ZNF710: variants seen among roughly 807,000 people sequenced by gnomAD.
ZNF710 encodes zinc finger protein 710.
A neutral mutation model predicts 50.6 loss-of-function variants in ZNF710; 13 were observed. The observed-to-expected ratio is 0.26, with a 90% CI of 0.17 to 0.41. ZNF710 has a LOEUF of 0.41. ZNF710 is among the 10% of genes least tolerant of loss of function. The pLI, the probability that ZNF710 is intolerant of heterozygous loss-of-function variation, is 1.00. For missense variants in ZNF710, 721 were observed against 936.6 expected, an observed-to-expected ratio of 0.77 and a Z score of 3.01; for synonymous variants, 383 against 397.0, an observed-to-expected ratio of 0.96 and a Z score of 0.42.
intron 1 of ZNF710, among the ~76,000 whole-genome samples, chr15:90,031,949 G>A (rs1898961121): frequency 6.6e-6 from 1 of 152,236 alleles, no homozygotes; most frequent in South Asian, 2.1e-4. Flanking sequence ...ATTTTCATCT[G>A]AAGGAAGCCA....
At chr15:90,076,070 C>T (rs564435674) in intron 4 of ZNF710, 13 of 152,338 alleles carry the variant, frequency 8.5e-5, no homozygotes, top group African/African-American at 2.9e-4. Flanking sequence ...GGGTCTGAGA[C>T]GCTGCCTTTC....
In ZNF710 at chr15:90,028,876, G is replaced by A. The variant is rs147279398; in HGVS notation, c.-29+27262G>A. ...GGGAAAACAAGTAGGACACCAGATT[G>A]TATACACTGTGATCAAAACCATGTG... is the stretch of plus-strand genomic sequence containing the variant. On this transcript the variant is annotated intron_variant, in intron 1 of 4. Coordinates refer to ENST00000268154, the MANE Select transcript of ZNF710 (RefSeq NM_198526.4). Among the ~76,000 whole-genome samples, 1,036 of 152,294 alleles carry A rather than the reference G, an allele frequency of 6.8e-3. 4 individuals are homozygous for A. Among genetic ancestry groups the A allele is most frequent in the Non-Finnish European group, 0.012 (819 of 68,020 alleles).
At chr15:90,074,815 C>G (rs1351506238) in intron 4 of ZNF710, 5 of 323,272 alleles carry the variant, frequency 1.5e-5, no homozygotes, top group Non-Finnish European at 2.4e-5. Context: ...TCCAAGTACA[C>G]CATGGGAGGT....
intron 1 of ZNF710, among the ~76,000 whole-genome samples, chr15:90,028,959 G>A (rs1237370610): frequency 6.6e-6 from 1 of 152,224 alleles, no homozygotes; most frequent in East Asian, 1.9e-4. Context: ...TTGCATTAGG[G>A]TGAGAAGGAG....
At chr15:90,012,004 C>T (rs542572466) in intron 1 of ZNF710, among the ~76,000 whole-genome samples, 27 of 152,062 alleles carry the variant, frequency 1.8e-4, no homozygotes, top group Admixed American at 3.3e-4. Context: ...CAAGAGATTG[C>T]GACAATCCTG....
At chr15:90,018,314 G>A (rs1297309022) in intron 1 of ZNF710, among the ~76,000 whole-genome samples, 2 of 151,882 alleles carry the variant, frequency 1.3e-5, no homozygotes, top group Admixed American at 1.3e-4. Flanking sequence ...GATCACAGGC[G>A]TGTGCCACCA....
At chr15:90,045,839 G>C (rs916530950) in intron 1 of ZNF710, among the ~76,000 whole-genome samples, 2 of 152,178 alleles carry the variant, frequency 1.3e-5, no homozygotes, top group African/African-American at 4.8e-5. Context: ...AGGCCAGAGA[G>C]GGAAGAGACG....
chr15:90,012,704 T>A (rs2151465682), intron 1 of ZNF710, among the ~76,000 whole-genome samples: 1 of 152,310 alleles, frequency 6.6e-6, no homozygotes, highest in South Asian at 2.1e-4. Context: ...CTAATCCCTG[T>A]TTAGCCCTTC....
chr15:90,042,347 TC>T (rs1203262625), intron 1 of ZNF710, among the ~76,000 whole-genome samples: 3 of 150,902 alleles, frequency 2.0e-5, no homozygotes, highest in South Asian at 2.1e-4. Context: ...CCATTGTGTC[TC>T]CCCCCCACCC....
chr15:90,000,565 T>C (rs1897986045), upstream of ZNF710, among the ~76,000 whole-genome samples: 2 of 152,026 alleles, frequency 1.3e-5, 1 homozygote, highest in Admixed American at 1.3e-4. Flanking sequence ...ACCCGGGCCC[T>C]GGCGCTCGGA....
At chr15:90,076,161 G>C (rs2151540092) in intron 4 of ZNF710, 2 of 152,350 alleles carry the variant, frequency 1.3e-5, no homozygotes, top group Admixed American at 1.3e-4. Flanking sequence ...ACTGCAGAGG[G>C]CTGGCTGGCA....
At chr15:90,002,610 A>C (rs1898043055) in intron 1 of ZNF710, 1 of 152,238 alleles carries the variant, frequency 6.6e-6, no homozygotes, top group Non-Finnish European at 1.5e-5. Flanking sequence ...CCCTAGGCGC[A>C]CAGATCCCGC....
intron 4 of ZNF710, chr15:90,074,596 G>A: frequency 8.6e-7 from 1 of 1,162,514 alleles, no homozygotes; most frequent in Non-Finnish European, 1.1e-6. Flanking sequence ...AGCGAGGTTG[G>A]CTCTGTCATT....
chr15:90,074,315 A>G, intron 4 of ZNF710, 25 bp downstream of exon 4: 1 of 1,609,748 alleles, frequency 6.2e-7, no homozygotes, highest in African/African-American at 1.3e-5. Flanking sequence ...CGCAATGGAC[A>G]GAGCAGGAAT....
rs187318818 is a variant in ZNF710 at position 90,060,762 on chromosome 15, A to G, written c.-28-6348A>G. 5.5e-4 allele frequency among the ~76,000 whole-genome samples: 84 copies of G among 152,318 alleles called. 1 individual carries two copies. In the East Asian group the frequency reaches 0.014, roughly 25 times the overall value. ...TCCCAGCTACTTTGGAGGCTGAGGC[A>G]GGAGAATTGCTTGAACCCAGGAGGC... On this transcript the variant is annotated intron_variant, in intron 1 of 4. Coordinates refer to ENST00000268154, the MANE Select transcript of ZNF710 (RefSeq NM_198526.4).
chr15:90,066,896 G>A (rs1221219896), intron 1 of ZNF710, among the ~76,000 whole-genome samples: 1 of 152,178 alleles, frequency 6.6e-6, no homozygotes, highest in Non-Finnish European at 1.5e-5. Flanking sequence ...GCTTACCCCA[G>A]GATCTCCCAG....
At chr15:90,017,541 T>A (rs1174011081) in intron 1 of ZNF710, among the ~76,000 whole-genome samples, 1 of 152,082 alleles carries the variant, frequency 6.6e-6, no homozygotes, top group Non-Finnish European at 1.5e-5. Context: ...GGCTGAGGAA[T>A]GCTCTCGGGG....
At position 90,074,172 on chromosome 15, in the gene ZNF710, C is replaced by G; in HGVS notation, c.1707C>G (p.His569Gln). Residue 569 changes from histidine (H) to glutamine (Q), a missense_variant, in exon 4 of 5, where the codon CAC becomes CAG. Physicochemically the swap from His to Gln is conservative, Grantham distance 24. Transcript: ENST00000268154. ...MYNLLGHMHL[H>Q]AGSKPFKCPY... ...ACCTGCTGGGCCACATGCACCTGCA[C>G]GCCGGCAGCAAGCCCTTCAAGTGCC... 1 of 1,613,808 alleles carries G rather than the reference C, an allele frequency of 6.2e-7. No homozygotes were observed. The highest frequency in any genetic ancestry group is 8.5e-7 in the Non-Finnish European group (1 of 1,179,894).
intron 1 of ZNF710, among the ~76,000 whole-genome samples, chr15:90,054,335 G>T (rs142248025): frequency 2.6e-5 from 4 of 152,218 alleles, no homozygotes; most frequent in African/African-American, 7.2e-5. Context: ...GTGCAGGAGG[G>T]GTCTGAGGCG....
Sources: allele counts gnomAD v4.1 joint callset (sites outside exome capture counted in the v4.1 genomes callset), GRCh38; gene constraint gnomAD v4.1.1; transcripts MANE v1.5; gene names NCBI Gene and HGNC (gene_info 2026-07-23, HGNC 2026-07-21).